The following SRCIN1 variants were observed in gnomAD, a reference collection of about 807,000 sequenced individuals.
SRCIN1 encodes P130Cas-associated protein.
In SRCIN1, 50 loss-of-function variants were observed where a neutral mutation model predicts 116.2. That is an observed-to-expected ratio of 0.43 (90% CI 0.34 to 0.54). The LOEUF is 0.54. Among genes scored for constraint, SRCIN1 ranks in the 20% least tolerant of loss-of-function variants. SRCIN1 has a pLI of 0.02. For synonymous variants in SRCIN1, 736 were observed against 750.0 expected (o/e 0.98, Z 0.30); for missense variants, 1,446 against 1,672.0 (o/e 0.86, Z 2.36).
At chr17:38,597,373 C>G (rs536064196) in intron 1 of SRCIN1, among the ~76,000 whole-genome samples, 1 of 152,374 alleles carries the variant, frequency 6.6e-6, no homozygotes, top group African/African-American at 2.4e-5. Context: ...TTCAAAAAAT[C>G]TAAAGAGGTT....
At chr17:38,606,802 G>A (rs1012089720), upstream of SRCIN1, among the ~76,000 whole-genome samples, 21 of 152,138 alleles carry the variant, frequency 1.4e-4, no homozygotes, top group African/African-American at 4.8e-4. This position sits in a 1 kb window ranked among gnomAD's most constrained non-coding sequence, Gnocchi z 5.2. Context: ...CCCGGACCCA[G>A]ACCCAGACCC....
chr17:38,548,176 C>T (rs78891234), intron 17 of SRCIN1, among the ~76,000 whole-genome samples: 16,326 of 152,024 alleles, frequency 0.11, 1,008 homozygotes, highest in South Asian at 0.16. Flanking sequence ...CTCAGAGCTC[C>T]GTCCTCAGAA....
chr17:38,558,415 C>CGGACGGAT lies in SRCIN1; in HGVS notation c.2026-21_2026-14dup, dbSNP rs746639518. On this transcript the variant is annotated splice_polypyrimidine_tract_variant and intron_variant, in intron 10 of 18. Transcript: ENST00000617146. This position sits in a 1 kb window ranked among gnomAD's most constrained non-coding sequence, Gnocchi z 4.6. ...CCTGGTTCTGTAGCTGCGGGACGCA[C>CGGACGGAT]GGACGGATGGACCCGGGTGGGGGGA... is the stretch of plus-strand genomic sequence containing the variant. 8.8e-6 allele frequency: 14 copies of CGGACGGAT among 1,583,996 alleles called. No individual in the cohort carries two copies. The Admixed American group carries it at 2.3e-4, about 26-fold the overall frequency.
In SRCIN1 at chr17:38,572,448, C is replaced by T. The variant is rs1387822871; in HGVS notation, c.325-4217G>A. ...CTTTCCGACGCTGGGGGAGGGGGCG[C>T]CAGCCTGATTTTGGAGTGGGGGCCG... is the stretch of plus-strand genomic sequence containing the variant. On this transcript the variant is annotated intron_variant, in intron 2 of 18. Coordinates refer to ENST00000617146, the MANE Select transcript of SRCIN1 (RefSeq NM_025248.3). This position sits in a 1 kb window ranked among gnomAD's most constrained non-coding sequence, Gnocchi z 4.3. 6.6e-6 allele frequency among the ~76,000 whole-genome samples: 1 copy of T among 152,090 alleles called. No homozygotes were observed. Among genetic ancestry groups the T allele is most frequent in the African/African-American group, 2.4e-5 (1 of 41,422 alleles).
intron 7 of SRCIN1, among the ~76,000 whole-genome samples, chr17:38,561,254 G>A (rs1003443472): frequency 4.6e-5 from 7 of 152,158 alleles, no homozygotes; most frequent in African/African-American, 1.2e-4. Context: ...CCAGTCTTGC[G>A]GATGGGAGGA....
At chr17:38,551,544 G>A in intron 14 of SRCIN1, 155 bp from the exon 15 acceptor site, 3 of 687,580 alleles carry the variant, frequency 4.4e-6, no homozygotes, top group Non-Finnish European at 7.2e-6. Context: ...CTTCTCGTGG[G>A]TATCACATGG....
At chr17:38,533,925 G>C (rs541043155) in intron 18 of SRCIN1, among the ~76,000 whole-genome samples, 1 of 152,134 alleles carries the variant, frequency 6.6e-6, no homozygotes, top group East Asian at 1.9e-4. Flanking sequence ...ACAGAGGAGG[G>C]GGCTTATCCT....
At chr17:38,569,358 G>A (rs932979903) in intron 2 of SRCIN1, among the ~76,000 whole-genome samples, 8 of 152,186 alleles carry the variant, frequency 5.3e-5, no homozygotes, top group Admixed American at 4.6e-4. Context: ...CTGGCCCGGG[G>A]GTGCCTGGCA....
chr17:38,582,173 C>T (rs1321647989), intron 1 of SRCIN1, among the ~76,000 whole-genome samples: 2 of 152,190 alleles, frequency 1.3e-5, no homozygotes, highest in Admixed American at 6.5e-5. Context: ...CATCTCCCAG[C>T]TGCTTCCTTC....
At chr17:38,560,979 C>A (rs1597902834) in intron 7 of SRCIN1, among the ~76,000 whole-genome samples, 2 of 152,216 alleles carry the variant, frequency 1.3e-5, no homozygotes, top group African/African-American at 4.8e-5. Flanking sequence ...GGGGACTGAG[C>A]GATGGGCAGG....
intron 2 of SRCIN1, among the ~76,000 whole-genome samples, chr17:38,576,985 A>G (rs1907457124): frequency 6.6e-6 from 1 of 151,018 alleles, no homozygotes; most frequent in South Asian, 2.1e-4. Context: ...ACATCCCACT[A>G]CCTCCCACCT....
In SRCIN1 at chr17:38,530,428, TC is replaced by T. The variant is rs1466054457; in HGVS notation, c.*2868del. On this transcript the variant is annotated 3_prime_UTR_variant, in exon 19 of 19. Transcript: ENST00000617146. ...GGGCTGAGAGGACCAGGTACAGGGG[TC>T]CCCCGAGACGTCTTAGTTTTCTCTT... The T allele has an allele frequency of 6.6e-6, 1 of 152,252 alleles. No homozygotes were observed. The highest frequency in any genetic ancestry group is 1.5e-5 in the Non-Finnish European group (1 of 68,764). 9.4% of individuals were successfully genotyped at this position (152,252 alleles called of 1,614,324 possible).
intron 18 of SRCIN1, chr17:38,543,057 G>C: frequency 2.2e-6 from 1 of 456,664 alleles, no homozygotes; most frequent in Non-Finnish European, 4.4e-6. Flanking sequence ...TGCAGCCTCT[G>C]ACCAGGCCAC....
intron 11 of SRCIN1, among the ~76,000 whole-genome samples, chr17:38,554,688 G>A (rs3884068): frequency 0.076 from 11,555 of 152,244 alleles, 465 homozygotes; most frequent in African/African-American, 0.093. Flanking sequence ...ATGGTGCCTG[G>A]TGCAGAGTAG....
Position 38,572,038 on chromosome 17 carries a change from C to T in SRCIN1, c.325-3807G>A, listed in dbSNP as rs904847818. Among the ~76,000 whole-genome samples, 19 of 152,052 alleles carry T rather than the reference C, an allele frequency of 1.2e-4. No homozygotes were observed. Among genetic ancestry groups the T allele is most frequent in the Admixed American group, 3.3e-4 (5 of 15,240 alleles). On this transcript the variant is annotated intron_variant, in intron 2 of 18. Coordinates refer to ENST00000617146, the MANE Select transcript of SRCIN1 (RefSeq NM_025248.3). This position sits in a 1 kb window ranked among gnomAD's most constrained non-coding sequence, Gnocchi z 4.3. ...CAGCCAGCTGAGGTCTCTTTCCTCCCCTGGGCAGGCATCCCCAGCAGGTTC... is the reference window on the plus strand; with the variant it reads ...CAGCCAGCTGAGGTCTCTTTCCTCCTCTGGGCAGGCATCCCCAGCAGGTTC...
rs1023901057 is a variant in SRCIN1 at position 38,531,212 on chromosome 17, TA to T, written c.*2084del. The T allele has an allele frequency of 8.6e-5, 13 of 150,636 alleles. No homozygotes were observed. The highest frequency in any genetic ancestry group is 2.5e-4 in the African/African-American group (10 of 40,790). The allele number at this position is 150,636 out of a possible 1,614,324, so 9.3% of individuals were successfully genotyped here. On this transcript the variant is annotated 3_prime_UTR_variant, in exon 19 of 19. Coordinates refer to ENST00000617146, the MANE Select transcript of SRCIN1 (RefSeq NM_025248.3). ...GGCAAGCGAAGTAGCAAGCAGAGAG[TA>T]ATGGAGTGGAGGGAGGAGGGGGCAC...
rs528499729 is a variant in SRCIN1, at chr17:38,581,488, C to G, written c.23-2697G>C. 8.6e-4 allele frequency among the ~76,000 whole-genome samples: 124 copies of G among 144,446 alleles called. 4 individuals carry two copies. The South Asian group carries it at 0.026, about 30-fold the overall frequency. The allele number at this position is 144,446 out of a possible 152,430, so 94.8% of individuals were successfully genotyped here. On this transcript the variant is annotated intron_variant, in intron 1 of 18. Coordinates refer to ENST00000617146, the MANE Select transcript of SRCIN1 (RefSeq NM_025248.3). ...GGTCTTTTTTTTTTTTTTTAAATAC[C>G]TTTATTTTCATAAGGATTAGAAAAA...
rs2040917467 is a variant in SRCIN1 at position 38,531,285 on chromosome 17, T to A, written c.*2012A>T. On this transcript the variant is annotated 3_prime_UTR_variant, in exon 19 of 19. Transcript: ENST00000617146. ...GTCAGGGGGTCTCTGTACAGCCAAA[T>A]CAAACCAGACCATTTCACTGGGACC... 2.0e-5 allele frequency: 3 copies of A among 151,400 alleles called. No homozygotes were observed. 9.4% of individuals were successfully genotyped at this position (151,400 alleles called of 1,614,324 possible).
chr17:38,543,842 C>T lies in SRCIN1; in HGVS notation c.3398G>A (p.Arg1133Gln), dbSNP rs369604060. Residue 1133 changes from arginine to glutamine, a missense_variant, in exon 18 of 19, where the codon CGG (arginine) becomes CAG (glutamine). This residue lies in a region of SRCIN1 where 531 missense variants were observed against 633.9 expected (regional missense o/e 0.84). Coordinates refer to ENST00000617146, the MANE Select transcript of SRCIN1 (RefSeq NM_025248.3). ...KHGKQRAEYM[R>Q]IQAQQQATKP... ...CCTCACCTGCTGCTGGGCCTGGATC[C>T]GCATGTACTCGGCCCTCTGCTTGCC... 6.2e-5 allele frequency: 100 copies of T among 1,607,146 alleles called. No homozygotes were observed. Among genetic ancestry groups the T allele is most frequent in the East Asian group, 1.1e-4 (5 of 44,870 alleles).
Sources: allele counts gnomAD v4.1 joint callset (sites outside exome capture counted in the v4.1 genomes callset), GRCh38; gene constraint gnomAD v4.1.1; regional missense constraint gnomAD v4.1.1; non-coding constraint Gnocchi (gnomAD v3.1); transcripts MANE v1.5; gene names NCBI Gene and HGNC (gene_info 2026-07-23, HGNC 2026-07-21).